Variants in ZMIZ1 observed in about 807,000 individuals in gnomAD.
The protein encoded by ZMIZ1 is zinc finger MIZ domain-containing protein 1.
In ZMIZ1, 17 loss-of-function variants were observed where a neutral mutation model predicts 113.9. That is an observed-to-expected ratio of 0.15 (90% CI 0.10 to 0.22). ZMIZ1 has a LOEUF of 0.22. Among genes scored for constraint, ZMIZ1 ranks in the 10% least tolerant of loss-of-function variants. The probability of loss-of-function intolerance (pLI) is 1.00; values close to 1 mark genes in which losing one functional copy is unlikely to be tolerated. For synonymous variants in ZMIZ1, 607 were observed against 603.1 expected (o/e 1.01, Z -0.09); for missense variants, 1,059 against 1,477.8 (o/e 0.72, Z 4.65).
intron 4 of ZMIZ1, among the ~76,000 whole-genome samples, chr10:79,166,031 TCC>T (rs1846332650): frequency 6.6e-6 from 1 of 150,998 alleles, no homozygotes; most frequent in Non-Finnish European, 1.5e-5. Flanking sequence ...GGGCAGTGGG[TCC>T]ATCTCTGCGT....
At chr10:79,128,488 T>C (rs1294121735) in intron 2 of ZMIZ1, among the ~76,000 whole-genome samples, 1 of 152,222 alleles carries the variant, frequency 6.6e-6, no homozygotes, top group East Asian at 1.9e-4. Flanking sequence ...CTTTGCAGTG[T>C]TGTTGCAGAA....
intron 1 of ZMIZ1, among the ~76,000 whole-genome samples, chr10:79,092,053 C>T (rs557176709): frequency 9.9e-5 from 15 of 152,212 alleles, no homozygotes; most frequent in Non-Finnish European, 1.9e-4. Flanking sequence ...CCACCAGCCC[C>T]GCTCCATGCT....
chr10:79,082,783 A>G (rs964109785), intron 1 of ZMIZ1, among the ~76,000 whole-genome samples: 2 of 152,216 alleles, frequency 1.3e-5, no homozygotes, highest in Non-Finnish European at 2.9e-5. Flanking sequence ...GACCTCTGCC[A>G]GGCCCTGCGT....
At chr10:79,208,186 A>C (rs1362121867) in intron 5 of ZMIZ1, 150 bp from the exon 6 acceptor site, 17 of 625,268 alleles carry the variant, frequency 2.7e-5, no homozygotes, top group Non-Finnish European at 3.7e-5. Flanking sequence ...ATCGAGCATG[A>C]GGAAACTTAC....
chr10:79,098,716 G>A (rs11002814), intron 1 of ZMIZ1, among the ~76,000 whole-genome samples: 20,566 of 152,228 alleles, frequency 0.14, 1,732 homozygotes, highest in East Asian at 0.26. Context: ...CAAAACCTGC[G>A]TCTCTAAGCT....
At chr10:79,307,705 G>A (rs1293022470) in intron 23 of ZMIZ1, 134 bp downstream of exon 23, 6 of 1,049,056 alleles carry the variant, frequency 5.7e-6, no homozygotes, top group Non-Finnish European at 6.8e-6. Context: ...TGGAATAGGA[G>A]GGGTCTAACT....
chr10:79,137,191 C>G (rs1845044071), intron 2 of ZMIZ1, among the ~76,000 whole-genome samples: 1 of 152,152 alleles, frequency 6.6e-6, no homozygotes, highest in East Asian at 1.9e-4. Flanking sequence ...CCTGTGCTGC[C>G]CACTTTGGTG....
intron 7 of ZMIZ1, among the ~76,000 whole-genome samples, chr10:79,242,210 G>C (rs1231641526): frequency 2.0e-5 from 3 of 152,128 alleles, no homozygotes; most frequent in Non-Finnish European, 4.4e-5. Flanking sequence ...CGGAGCCCTT[G>C]CGACAGACTG....
chr10:79,224,664 C>T (rs1849130382), intron 7 of ZMIZ1, among the ~76,000 whole-genome samples: 1 of 152,296 alleles, frequency 6.6e-6, no homozygotes, highest in East Asian at 1.9e-4. Flanking sequence ...CCACGGCCAC[C>T]TGATTGGGAT....
intron 20 of ZMIZ1, 65 bp from the exon 21 acceptor site, chr10:79,305,468 A>G: frequency 6.4e-7 from 1 of 1,563,250 alleles, no homozygotes; most frequent in Non-Finnish European, 8.8e-7. Flanking sequence ...ACTGAGGTGG[A>G]TGGGCTTTGC....
rs768911585 is a variant in ZMIZ1 at position 79,304,039 on chromosome 10, C to T, written c.2150C>T (p.Ala717Val). 6.2e-7 allele frequency: 1 copy of T among 1,614,174 alleles called. No homozygotes were observed. The highest frequency in any genetic ancestry group is 1.7e-5 in the Admixed American group (1 of 60,030). ...GTCAAGCGGAATTTCAGCAGCGTGGCTGCCTCCTCGGGCAACACGACCCTC... is the reference window on the plus strand; with the variant it reads ...GTCAAGCGGAATTTCAGCAGCGTGGTTGCCTCCTCGGGCAACACGACCCTC... ...TKIKRNFSSV[A>V]ASSGNTTLNG... Residue 717 changes from alanine to valine, a missense_variant, in exon 19 of 25, where the codon GCT becomes GTT. Transcript: ENST00000334512.
intron 4 of ZMIZ1, among the ~76,000 whole-genome samples, chr10:79,192,210 T>C (rs937582835): frequency 6.6e-6 from 1 of 152,236 alleles, no homozygotes; most frequent in Non-Finnish European, 1.5e-5. Context: ...GCACACCAAA[T>C]GCAGCTAGGA....
intron 1 of ZMIZ1, among the ~76,000 whole-genome samples, chr10:79,077,790 T>C (rs981452931): frequency 6.6e-6 from 1 of 152,238 alleles, no homozygotes; most frequent in African/African-American, 2.4e-5. Context: ...ACATACTACC[T>C]CCTCCATAGG....
chr10:79,298,908 G>A, intron 15 of ZMIZ1, 142 bp from the exon 16 acceptor site: 1 of 1,128,966 alleles, frequency 8.9e-7, no homozygotes, highest in South Asian at 1.6e-5. Context: ...GTGTGCCCTT[G>A]GACTGGCTAT....
At chr10:79,148,725 C>T (rs1018089333) in intron 3 of ZMIZ1, among the ~76,000 whole-genome samples, 1 of 152,230 alleles carries the variant, frequency 6.6e-6, no homozygotes. Flanking sequence ...TTGCATATCT[C>T]TGGGGTCACG....
At chr10:79,099,029 G>T (rs913844008) in intron 1 of ZMIZ1, among the ~76,000 whole-genome samples, 1 of 152,204 alleles carries the variant, frequency 6.6e-6, no homozygotes, top group East Asian at 1.9e-4. Context: ...GATTCCAGAA[G>T]TGAGTCAGAA....
intron 4 of ZMIZ1, among the ~76,000 whole-genome samples, chr10:79,166,000 G>GTGTGTC (rs36040251): frequency 0.046 from 5,294 of 115,620 alleles, 320 homozygotes; most frequent in Middle Eastern, 0.063. Flanking sequence ...GTGTGTGTGT[G>GTGTGTC]TGGGCTCTCC....
chr10:79,102,226 G>T (rs920675230), intron 1 of ZMIZ1, among the ~76,000 whole-genome samples: 3 of 152,258 alleles, frequency 2.0e-5, no homozygotes, highest in Non-Finnish European at 4.4e-5. Context: ...TGGAGCAGAA[G>T]GCGTGCAGTG....
intron 4 of ZMIZ1, among the ~76,000 whole-genome samples, chr10:79,193,443 T>A (rs1589404087): frequency 6.6e-6 from 1 of 152,300 alleles, no homozygotes; most frequent in East Asian, 1.9e-4. Context: ...AGTCCTAGGA[T>A]CTTCTGATTA....
Sources: allele counts gnomAD v4.1 joint callset (sites outside exome capture counted in the v4.1 genomes callset), GRCh38; gene constraint gnomAD v4.1.1; transcripts MANE v1.5; gene names NCBI Gene and HGNC (gene_info 2026-07-23, HGNC 2026-07-21).